Variants in U2SURP observed in about 807,000 individuals in gnomAD.
U2SURP encodes U2 snRNP-associated SURP motif-containing protein.
In U2SURP, 9 loss-of-function variants were observed where a neutral mutation model predicts 144.9. That is an observed-to-expected ratio of 0.06 (90% confidence interval 0.04 to 0.11). The LOEUF (loss-of-function observed/expected upper bound fraction) is 0.11, where lower values mean the gene tolerates loss of function less well. U2SURP is among the 10% of genes least tolerant of loss of function. The probability of loss-of-function intolerance (pLI) is 1.00; values close to 1 mark genes in which losing one functional copy is unlikely to be tolerated. For missense variants in U2SURP, 724 were observed against 1,226.7 expected, an observed-to-expected ratio of 0.59 and a Z score of 6.12; for synonymous variants, 408 against 396.8, an observed-to-expected ratio of 1.03 and a Z score of -0.33.
intron 16 of U2SURP, among the ~76,000 whole-genome samples, chr3:143,029,937 G>A (rs935256402): frequency 6.6e-6 from 1 of 152,184 alleles, no homozygotes; most frequent in African/African-American, 2.4e-5. Context: ...GCCTAATCCT[G>A]AGCAAGGCCC....
At chr3:143,012,161 C>T in intron 2 of U2SURP, 61 bp from the exon 3 acceptor site, 2 of 1,561,120 alleles carry the variant, frequency 1.3e-6, no homozygotes, top group Non-Finnish European at 1.7e-6. Flanking sequence ...TCCTAGTTTT[C>T]AGTGCTATAT....
intron 3 of U2SURP, 135 bp downstream of exon 3, chr3:143,012,488 T>G (rs1936170196): frequency 2.3e-6 from 2 of 851,586 alleles, no homozygotes; most frequent in Admixed American, 3.8e-5. Context: ...AGCATTCTTT[T>G]TGTATTTGGG....
intron 16 of U2SURP, among the ~76,000 whole-genome samples, chr3:143,030,316 C>T (rs1403231486): frequency 1.3e-5 from 2 of 152,208 alleles, no homozygotes; most frequent in South Asian, 2.1e-4. Flanking sequence ...AGCCAGTGCT[C>T]ATTTACCATT....
chr3:143,016,508 C>T (rs998157436), intron 5 of U2SURP, 137 bp downstream of exon 5: 3 of 751,236 alleles, frequency 4.0e-6, no homozygotes, highest in South Asian at 1.9e-5. Context: ...CATTTTCTAT[C>T]AGCACCCTCT....
chr3:143,035,793 C>A (rs112808237), intron 19 of U2SURP, among the ~76,000 whole-genome samples, 189 bp from the exon 20 acceptor site: 31 of 151,530 alleles, frequency 2.0e-4, no homozygotes, highest in African/African-American at 6.3e-4. Flanking sequence ...GGTTTTTTTC[C>A]TTTTAATTAG....
In U2SURP at chr3:143,058,352, A is replaced by G. The variant is rs1446172317; in HGVS notation, c.*1902A>G. ...AAAAAGACATCCTGCGGGATTGAGT[A>G]GAAAATTTTAGGTCAGTTTTGGGTG... On this transcript the variant is annotated 3_prime_UTR_variant, in exon 28 of 28. Transcript: ENST00000473835. 1.3e-5 allele frequency: 2 copies of G among 151,856 alleles called. No homozygotes were observed. Among genetic ancestry groups the G allele is most frequent in the East Asian group, 3.9e-4 (2 of 5,190 alleles). The allele number at this position is 151,856 out of a possible 1,614,324, so 9.4% of individuals were successfully genotyped here. A position where few individuals can be genotyped will look rare whatever the true frequency, so the allele number is the denominator to read the frequency against.
rs770208372 is a variant in U2SURP, at chr3:143,016,846, A to C, written c.441A>C (p.Glu147Asp). ...ACTTAGTATTTTAAATTTCAGAAGA[A>C]CATGAAACAGATGAAAAAAGAGGTA... ...RGGVVNAAKE[E>D]HETDEKRGKI... Residue 147 changes from glutamate (E) to aspartate (D), a missense_variant, in exon 6 of 28, where the codon GAA (glutamate) becomes GAC (aspartate). Physicochemically the swap from Glu to Asp is conservative, Grantham distance 45. This residue lies in a region of U2SURP where 115 missense variants were observed against 258.1 expected (regional missense o/e 0.45). Coordinates refer to ENST00000473835, the MANE Select transcript of U2SURP (RefSeq NM_001080415.2). 6.5e-7 allele frequency: 1 copy of C among 1,550,324 alleles called. No individual in the cohort carries two copies. Among genetic ancestry groups the C allele is most frequent in the African/African-American group, 1.4e-5 (1 of 70,716 alleles).
chr3:143,049,265 CAAAAAAAAAAAAAAA>C (rs200930787), intron 24 of U2SURP, among the ~76,000 whole-genome samples: 5 of 81,520 alleles, frequency 6.1e-5, no homozygotes, highest in African/African-American at 1.5e-4. Context: ...GACTCCATCT[CAAAAAAAAAAAAAAA>C]AAAAAAAAAA....
chr3:143,019,219 C>T (rs1335636225), intron 6 of U2SURP, among the ~76,000 whole-genome samples: 1 of 152,066 alleles, frequency 6.6e-6, no homozygotes, highest in Non-Finnish European at 1.5e-5. Context: ...GAAATGTTTT[C>T]TGTTCTCTGG....
At chr3:143,019,462 G>A (rs1361439342) in intron 6 of U2SURP, among the ~76,000 whole-genome samples, 1 of 152,062 alleles carries the variant, frequency 6.6e-6, no homozygotes, top group African/African-American at 2.4e-5. Context: ...TTTAGTATAT[G>A]GTGTAAAGTA....
Position 143,056,592 on chromosome 3 carries a change from A to C in U2SURP, c.*142A>C. On this transcript the variant is annotated 3_prime_UTR_variant, in exon 28 of 28. Transcript: ENST00000473835. ...TGTTTGTGTATGCATGTGTAAACTC[A>C]TGAGCAACTGCATCTGTAGATCTGT... The C allele has an allele frequency of 3.8e-5, 32 of 852,656 alleles. No homozygotes were observed. The highest frequency in any genetic ancestry group is 5.3e-5 in the Non-Finnish European group (30 of 563,934). 52.8% of individuals were successfully genotyped at this position (852,656 alleles called of 1,614,324 possible). A position where few individuals can be genotyped will look rare whatever the true frequency, so the allele number is the denominator to read the frequency against.
chr3:143,026,874 T>C (rs563059016), intron 13 of U2SURP: 1 of 229,988 alleles, frequency 4.3e-6, no homozygotes, highest in African/African-American at 2.3e-5. Flanking sequence ...GGAAAATAAG[T>C]GACATTTAGA....
At chr3:143,043,501 G>A (rs1934229924) in intron 24 of U2SURP, among the ~76,000 whole-genome samples, 1 of 151,980 alleles carries the variant, frequency 6.6e-6, no homozygotes. Flanking sequence ...ATTTATTTCT[G>A]TGTGATTTTA....
In U2SURP at chr3:143,053,753, C is replaced by A; in HGVS notation, c.2733C>A (p.Asp911Glu). 1 of 1,607,376 alleles carries A rather than the reference C, an allele frequency of 6.2e-7. No individual in the cohort carries two copies. ...AAAAATTGGAATCTCGCTCCAAAGA[C>A]AAGAAGGAAAAAGATGAGTGTACTC... is the stretch of plus-strand genomic sequence containing the variant. ...DKEKLESRSK[D>E]KKEKDECTPT... is the part of the protein sequence containing the mutation. The change falls in exon 26 of 28, where the codon GAC (aspartate) becomes GAA (glutamate). Residue 911 changes from aspartate to glutamate, a missense_variant. By Grantham distance (45) the Asp-to-Glu change is conservative. Transcript: ENST00000473835.
chr3:143,055,389 T>G (rs16852926), intron 27 of U2SURP, among the ~76,000 whole-genome samples: 4,529 of 152,204 alleles, frequency 0.03, 100 homozygotes, highest in African/African-American at 0.064. Context: ...GTTAGCTGCT[T>G]TACTTTTCGT....
At chr3:143,017,213 A>T (rs1167299543) in intron 6 of U2SURP, 1 of 345,704 alleles carries the variant, frequency 2.9e-6, no homozygotes, top group East Asian at 4.7e-5. Context: ...TTATGCTCAT[A>T]ATATATTGCA....
At chr3:143,036,974 G>A in intron 20 of U2SURP, 2 of 531,138 alleles carry the variant, frequency 3.8e-6, no homozygotes, top group South Asian at 3.0e-5. Context: ...AAGGTACCTG[G>A]CACCAGTGAG....
At chr3:143,004,103 C>G (rs886778416) in intron 1 of U2SURP, among the ~76,000 whole-genome samples, 7 of 152,160 alleles carry the variant, frequency 4.6e-5, no homozygotes, top group Non-Finnish European at 7.3e-5. Context: ...GTTTGATTTC[C>G]TTTCCTCTGG....
At position 143,058,718 on chromosome 3, in the gene U2SURP, GA is replaced by G. The variant is rs1397374888; in HGVS notation, c.*2270del. The G allele has an allele frequency of 2.2e-4, 33 of 151,952 alleles. No individual in the cohort carries two copies. Among genetic ancestry groups the G allele is most frequent in the African/African-American group, 7.7e-4 (32 of 41,524 alleles). The allele number at this position is 151,952 out of a possible 1,614,324, so 9.4% of individuals were successfully genotyped here. A position where few individuals can be genotyped will look rare whatever the true frequency, so the allele number is the denominator to read the frequency against. On this transcript the variant is annotated 3_prime_UTR_variant, in exon 28 of 28. Transcript: ENST00000473835. ...TCAGAAATTGGTGACTTATAAGGGG[GA>G]AGATATTCTACCATATTTTTATAAT...
Sources: allele counts gnomAD v4.1 joint callset (sites outside exome capture counted in the v4.1 genomes callset), GRCh38; gene constraint gnomAD v4.1.1; regional missense constraint gnomAD v4.1.1; transcripts MANE v1.5; gene names NCBI Gene and HGNC (gene_info 2026-07-23, HGNC 2026-07-21).